Variants in CMTM7 observed in about 807,000 individuals in gnomAD.
CMTM7 encodes CKLF-like MARVEL transmembrane domain-containing protein 7.
CMTM7 carries 7 observed loss-of-function variants against 19.3 expected under a neutral mutation model. The ratio of observed to expected loss-of-function variants is 0.36; its 90% CI spans 0.21 to 0.68. The LOEUF (loss-of-function observed/expected upper bound fraction) is 0.68. CMTM7 is among the 30% of genes least tolerant of loss of function. The pLI, the probability that CMTM7 is intolerant of heterozygous loss-of-function variation, is 0.60. For synonymous variants in CMTM7, 87 were observed against 99.3 expected, an observed-to-expected ratio of 0.88 and a Z score of 0.74; for missense variants, 193 against 232.6, an observed-to-expected ratio of 0.83 and a Z score of 1.11.
chr3:32,423,409 C>T (rs1696374546), intron 1 of CMTM7, among the ~76,000 whole-genome samples: 1 of 152,170 alleles, frequency 6.6e-6, no homozygotes, highest in Non-Finnish European at 1.5e-5. Flanking sequence ...TTACAGAGAA[C>T]ATGAGTAAAT....
At chr3:32,402,436 A>G (rs1439741323) in intron 1 of CMTM7, among the ~76,000 whole-genome samples, 1 of 151,940 alleles carries the variant, frequency 6.6e-6, no homozygotes, top group Admixed American at 6.6e-5. Context: ...AGTTAGAAAG[A>G]CCGATTGATA....
At position 32,449,238 on chromosome 3, in the gene CMTM7, C is replaced by T. The variant is rs73826535; in HGVS notation, c.334-216C>T. On this transcript the variant is annotated intron_variant, in intron 2 of 4. Transcript: ENST00000334983. This position sits in a 1 kb window ranked among gnomAD's most constrained non-coding sequence, Gnocchi z 4.5. Reference sequence around the variant, plus strand: ...TCTCTCTGTCCTCTTCCCTTCCTGCCTGCCCGGCATCACTTCTGTCTTGCT... The same window carrying T: ...TCTCTCTGTCCTCTTCCCTTCCTGCTTGCCCGGCATCACTTCTGTCTTGCT... Among the ~76,000 whole-genome samples, 2,522 of 152,302 alleles carry T rather than the reference C, an allele frequency of 0.017. 71 individuals are homozygous for T. The highest frequency in any genetic ancestry group is 0.058 in the African/African-American group (2,427 of 41,556).
chr3:32,429,725 C>G (rs575504870), intron 1 of CMTM7, among the ~76,000 whole-genome samples: 6 of 151,742 alleles, frequency 4.0e-5, no homozygotes, highest in Admixed American at 1.3e-4. Context: ...CTCAGCCTCC[C>G]GAGTAGCTGG....
At chr3:32,409,172 T>C (rs1696136381) in intron 1 of CMTM7, among the ~76,000 whole-genome samples, 1 of 152,214 alleles carries the variant, frequency 6.6e-6, no homozygotes, top group Non-Finnish European at 1.5e-5. Flanking sequence ...TGAGCCACTG[T>C]GCCTGGGCCG....
At chr3:32,446,084 A>T (rs1391820857) in intron 2 of CMTM7, among the ~76,000 whole-genome samples, 1 of 151,752 alleles carries the variant, frequency 6.6e-6, no homozygotes, top group Non-Finnish European at 1.5e-5. Context: ...TTTGTGCAGA[A>T]TTGGTATTAA....
At chr3:32,417,840 T>A (rs955150917) in intron 1 of CMTM7, among the ~76,000 whole-genome samples, 3 of 152,192 alleles carry the variant, frequency 2.0e-5, no homozygotes, top group Non-Finnish European at 4.4e-5. Context: ...TTTATTTATT[T>A]TAGACAGGTT....
At chr3:32,399,606 C>T (rs979316865) in intron 1 of CMTM7, among the ~76,000 whole-genome samples, 1 of 152,148 alleles carries the variant, frequency 6.6e-6, no homozygotes, top group Non-Finnish European at 1.5e-5. Flanking sequence ...GTGAATAGAC[C>T]TGTTAGCACA....
chr3:32,427,040 T>C (rs1044026063), intron 1 of CMTM7, among the ~76,000 whole-genome samples: 38 of 152,344 alleles, frequency 2.5e-4, no homozygotes, highest in Non-Finnish European at 2.1e-4. Context: ...ACTTCTATTA[T>C]ATAGGTGAAG....
chr3:32,435,474 A>G (rs757421565), intron 1 of CMTM7, among the ~76,000 whole-genome samples: 3 of 152,256 alleles, frequency 2.0e-5, no homozygotes, highest in Non-Finnish European at 4.4e-5. Flanking sequence ...CGCTGTTTGT[A>G]TTAATGAAAA....
In CMTM7 at chr3:32,391,952, A is replaced by G. The variant is rs1575104716; in HGVS notation, c.46A>G (p.Ser16Gly). 3 of 1,230,112 alleles carry G rather than the reference A, an allele frequency of 2.4e-6. No homozygotes were observed. Among genetic ancestry groups the G allele is most frequent in the South Asian group, 4.1e-5 (1 of 24,326 alleles). The allele number at this position is 1,230,112 out of a possible 1,614,324, so 76.2% of individuals were successfully genotyped here. A position where few individuals can be genotyped will look rare whatever the true frequency, so the allele number is the denominator to read the frequency against. Reference protein sequence around the residue: ...GLVRTTCSSGSALGPGAGAAQ... With the variant: ...GLVRTTCSSGGALGPGAGAAQ... Reference sequence around the variant, plus strand: ...CGTCCGCACCACGTGCAGCAGCGGCAGCGCGCTCGGACCCGGGGCCGGCGC... The same window carrying G: ...CGTCCGCACCACGTGCAGCAGCGGCGGCGCGCTCGGACCCGGGGCCGGCGC... Residue 16 changes from serine to glycine, a missense_variant, in exon 1 of 5, where the codon AGC becomes GGC. Coordinates refer to ENST00000334983, the MANE Select transcript of CMTM7 (RefSeq NM_138410.4).
chr3:32,438,512 G>C (rs1046572923), intron 1 of CMTM7, among the ~76,000 whole-genome samples: 1 of 151,600 alleles, frequency 6.6e-6, no homozygotes, highest in Non-Finnish European at 1.5e-5. Flanking sequence ...TAATATGCTG[G>C]CTAAGATGCT....
At position 32,449,310 on chromosome 3, in the gene CMTM7, C is replaced by A. The variant is rs1265305920; in HGVS notation, c.334-144C>A. On this transcript the variant is annotated intron_variant, in intron 2 of 4. Transcript: ENST00000334983. The surrounding 1 kb of genome is among the most constrained non-coding windows in gnomAD (Gnocchi z 4.5). ...GCATGTTGGCTGCCTGCGAGCGGCTCTGCTCATCCCATTTGCGTGTTGCAA... is the reference window on the plus strand; with the variant it reads ...GCATGTTGGCTGCCTGCGAGCGGCTATGCTCATCCCATTTGCGTGTTGCAA... 4.3e-6 allele frequency: 3 copies of A among 700,988 alleles called. No individual in the cohort carries two copies. The highest frequency in any genetic ancestry group is 7.9e-6 in the Non-Finnish European group (3 of 381,994). The allele number at this position is 700,988 out of a possible 1,614,324, so 43.4% of individuals were successfully genotyped here. A position where few individuals can be genotyped will look rare whatever the true frequency, so the allele number is the denominator to read the frequency against.
intron 1 of CMTM7, among the ~76,000 whole-genome samples, chr3:32,415,088 G>C (rs1165502863): frequency 6.6e-6 from 1 of 152,110 alleles, no homozygotes; most frequent in East Asian, 1.9e-4. Flanking sequence ...TGTTCAAAAC[G>C]CAGATTCCTG....
At position 32,429,769 on chromosome 3, in the gene CMTM7, T is replaced by A. The variant is rs987275833; in HGVS notation, c.160-12071T>A. Among the ~76,000 whole-genome samples, 4 of 152,028 alleles carry A rather than the reference T, an allele frequency of 2.6e-5. No homozygotes were observed. In the East Asian group the frequency reaches 7.7e-4, roughly 29 times the overall value. ...GCGCCCGCCACCACACCCAGCTAAT[T>A]TTTGTATTTTTAGTAGAGACGGGGT... On this transcript the variant is annotated intron_variant, in intron 1 of 4. Transcript: ENST00000334983.
At chr3:32,454,023 T>A (rs1696873028) in intron 4 of CMTM7, among the ~76,000 whole-genome samples, 1 of 152,006 alleles carries the variant, frequency 6.6e-6, no homozygotes, top group Non-Finnish European at 1.5e-5. Flanking sequence ...AAGACTGAGG[T>A]CGGGGGAGTG....
At chr3:32,447,844 T>C (rs560953428) in intron 2 of CMTM7, among the ~76,000 whole-genome samples, 32 of 152,190 alleles carry the variant, frequency 2.1e-4, no homozygotes, top group Non-Finnish European at 4.1e-4. Flanking sequence ...ATTTCTCGTT[T>C]TGCTTTGGTT....
At chr3:32,432,199 C>T (rs2125635551) in intron 1 of CMTM7, among the ~76,000 whole-genome samples, 1 of 152,348 alleles carries the variant, frequency 6.6e-6, no homozygotes, top group African/African-American at 2.4e-5. Context: ...AGAGTGCCAC[C>T]TGGCCACAGT....
intron 1 of CMTM7, among the ~76,000 whole-genome samples, chr3:32,417,966 C>T (rs945442946): frequency 3.3e-5 from 5 of 152,102 alleles, no homozygotes; most frequent in Non-Finnish European, 4.4e-5. Context: ...GGACTATAGG[C>T]GTGTAACACC....
chr3:32,392,250 C>G (rs1359794847), intron 1 of CMTM7, among the ~76,000 whole-genome samples, 185 bp downstream of exon 1: 1 of 152,212 alleles, frequency 6.6e-6, no homozygotes, highest in Non-Finnish European at 1.5e-5. Flanking sequence ...CCGCAGCCCC[C>G]GCGCTGGAGC....
Sources: gnomAD v4.1 joint callset for allele counts (sites outside exome capture counted in the v4.1 genomes callset) on GRCh38, gnomAD v4.1.1 for gene constraint, Gnocchi (gnomAD v3.1) non-coding constraint, MANE v1.5 for transcripts, NCBI Gene and HGNC (gene_info 2026-07-23, HGNC 2026-07-21) for gene names.